Variants in KHDRBS2 observed in about 807,000 individuals in gnomAD.
The protein encoded by KHDRBS2 is KH domain-containing, RNA-binding, signal transduction-associated protein 2.
KHDRBS2 carries 26 observed loss-of-function variants against 44.3 expected under a neutral mutation model. The ratio of observed to expected loss-of-function variants is 0.59; its 90% CI spans 0.43 to 0.81. The LOEUF is 0.81. Ranked by LOEUF, KHDRBS2 falls within the 40% of genes least tolerant of loss-of-function variation. The pLI, the probability that KHDRBS2 is intolerant of heterozygous loss-of-function variation, is 0.00. For missense variants in KHDRBS2, 476 were observed against 433.1 expected (o/e 1.10, Z -0.88); for synonymous variants, 194 against 151.1 (o/e 1.28, Z -2.08).
intron 1 of KHDRBS2, among the ~76,000 whole-genome samples, chr6:62,197,957 G>A (rs1826035736): frequency 1.3e-5 from 2 of 152,066 alleles, no homozygotes; most frequent in African/African-American, 4.8e-5. Context: ...TCAATTACAT[G>A]GAAATTGAAC....
intron 3 of KHDRBS2, among the ~76,000 whole-genome samples, chr6:62,038,112 C>T (rs575241046): frequency 5.9e-4 from 89 of 152,020 alleles, no homozygotes; most frequent in African/African-American, 2.0e-3. Flanking sequence ...TCAGCATCCC[C>T]GGAAGTGCAT....
intron 6 of KHDRBS2, among the ~76,000 whole-genome samples, chr6:61,792,894 T>G (rs1219072969): frequency 2.0e-5 from 3 of 151,904 alleles, no homozygotes; most frequent in African/African-American, 4.8e-5. Flanking sequence ...GTGGCTTGTG[T>G]GTACCTGTGT....
intron 1 of KHDRBS2, among the ~76,000 whole-genome samples, chr6:62,182,661 GT>G (rs776053392): frequency 1.3e-5 from 2 of 151,726 alleles, no homozygotes; most frequent in East Asian, 1.9e-4. Flanking sequence ...TGAAGGTTTT[GT>G]TTTTTGTTAT....
At chr6:61,588,088 T>C in the KHDRBS2 span, among the ~76,000 whole-genome samples, 4 of 152,192 alleles carry the variant, frequency 2.6e-5, no homozygotes, top group African/African-American at 9.6e-5. Flanking sequence ...ATCATCAAAC[T>C]AGTTGATAAA....
intron 4 of KHDRBS2, among the ~76,000 whole-genome samples, chr6:61,953,081 G>T (rs1765108737): frequency 6.6e-6 from 1 of 151,320 alleles, no homozygotes; most frequent in Non-Finnish European, 1.5e-5. Flanking sequence ...TTCATATTTG[G>T]CCCAAATTAG....
intron 2 of KHDRBS2, among the ~76,000 whole-genome samples, chr6:62,169,893 C>T (rs1819661761): frequency 1.3e-5 from 2 of 151,846 alleles, no homozygotes; most frequent in South Asian, 4.2e-4. Context: ...AAGATTGATC[C>T]ATCCACCCTC....
chr6:61,657,688 G>T, the KHDRBS2 span, among the ~76,000 whole-genome samples: 1 of 151,930 alleles, frequency 6.6e-6, no homozygotes, highest in Non-Finnish European at 1.5e-5. Flanking sequence ...TGCTCCCTGT[G>T]GAAGGACTGA....
At chr6:61,952,290 T>C (rs1338664050) in intron 4 of KHDRBS2, among the ~76,000 whole-genome samples, 3 of 152,008 alleles carry the variant, frequency 2.0e-5, no homozygotes, top group Non-Finnish European at 4.4e-5. Context: ...AGCATCACAA[T>C]AAGGACAATT....
chr6:61,656,128 C>A, the KHDRBS2 span, among the ~76,000 whole-genome samples: 5 of 152,094 alleles, frequency 3.3e-5, no homozygotes, highest in African/African-American at 9.6e-5. Context: ...TTTCATTTAA[C>A]GGATCTTTAC....
chr6:62,034,693 G>GA (rs1171214560), intron 3 of KHDRBS2, among the ~76,000 whole-genome samples: 3,599 of 60,560 alleles, frequency 0.059, 58 homozygotes, highest in African/African-American at 0.075. Flanking sequence ...ATTCTGAACA[G>GA]AAAAAAAAAA....
At chr6:62,212,753 G>A (rs1222135691) in intron 1 of KHDRBS2, among the ~76,000 whole-genome samples, 1 of 152,142 alleles carries the variant, frequency 6.6e-6, no homozygotes, top group Non-Finnish European at 1.5e-5. Context: ...AGAGAGCATA[G>A]CCCTGCCAGC....
chr6:62,100,568 C>T (rs1422246261), intron 2 of KHDRBS2, among the ~76,000 whole-genome samples: 2 of 152,172 alleles, frequency 1.3e-5, no homozygotes, highest in East Asian at 3.9e-4. Context: ...ACCACAACCA[C>T]TCTAACCTTC....
intron 2 of KHDRBS2, among the ~76,000 whole-genome samples, chr6:62,054,505 G>T (rs1353715985): frequency 1.3e-5 from 2 of 152,038 alleles, no homozygotes; most frequent in African/African-American, 2.4e-5. Context: ...AACTATATGG[G>T]TGTGATTAAA....
chr6:61,926,442 T>C (rs1045522878), intron 4 of KHDRBS2, among the ~76,000 whole-genome samples: 3 of 151,972 alleles, frequency 2.0e-5, no homozygotes, highest in Non-Finnish European at 2.9e-5. Flanking sequence ...TGAAAAGGAG[T>C]AGAATTGTCT....
At chr6:61,562,428 T>TAAAGAATATGTATTA in the KHDRBS2 span, among the ~76,000 whole-genome samples, 1 of 152,186 alleles carries the variant, frequency 6.6e-6, no homozygotes, top group African/African-American at 2.4e-5. Context: ...TAAAGACTAA[T>TAAAGAATATGTATTA]ACATATTAAA....
chr6:62,233,969 T>C (rs1051503317), intron 1 of KHDRBS2, among the ~76,000 whole-genome samples: 2 of 152,138 alleles, frequency 1.3e-5, no homozygotes, highest in Non-Finnish European at 2.9e-5. Flanking sequence ...GTCTTGGTGA[T>C]ACAATGATTT....
intron 2 of KHDRBS2, among the ~76,000 whole-genome samples, chr6:62,127,776 A>C (rs1013510513): frequency 1.3e-5 from 2 of 152,168 alleles, no homozygotes; most frequent in African/African-American, 4.8e-5. Flanking sequence ...TCTAACATTT[A>C]TAGTTTCCAC....
chr6:61,901,285 A>G lies in KHDRBS2; in HGVS notation c.570T>C (p.Ile190=). 2.5e-6 allele frequency: 4 copies of G among 1,613,708 alleles called. No homozygotes were observed. Among genetic ancestry groups the G allele is most frequent in the Non-Finnish European group, 2.5e-6 (3 of 1,179,648 alleles). The change falls in exon 5 of 9, where the codon ATT becomes ATC. Residue 190 remains isoleucine, a synonymous_variant. Coordinates refer to ENST00000281156, the MANE Select transcript of KHDRBS2 (RefSeq NM_152688.4). ...GSEDSGRGRG[I]RGRGIRIAPT... The stretch of plus-strand genomic sequence containing the variant: ...GAGCTATTCTGATCCCTCTGCCTCT[A>G]ATACCTCTGCCACGACCAGAGTCCT...
At position 61,954,929 on chromosome 6, in the gene KHDRBS2, C is replaced by T. The variant is rs369561930; in HGVS notation, c.483+23137G>A. Among the ~76,000 whole-genome samples the T allele has an allele frequency of 1.7e-4, 14 of 83,636 alleles. 3 individuals are homozygous for T. The highest frequency in any genetic ancestry group is 3.7e-4 in the South Asian group (1 of 2,682). The allele number at this position is 83,636 out of a possible 152,430, so 54.9% of individuals were successfully genotyped here. On this transcript the variant is annotated intron_variant, in intron 4 of 8. Coordinates refer to ENST00000281156, the MANE Select transcript of KHDRBS2 (RefSeq NM_152688.4). ...GTGTGCATACATATATATGTATACA[C>T]ATACATATGTATGTGTATACATATA... is the stretch of plus-strand genomic sequence containing the variant.
Sources: gnomAD v4.1 joint callset for allele counts (sites outside exome capture counted in the v4.1 genomes callset) on GRCh38, gnomAD v4.1.1 for gene constraint, MANE v1.5 for transcripts, NCBI Gene and HGNC (gene_info 2026-07-23, HGNC 2026-07-21) for gene names.